The following LBR variants were observed in gnomAD, a reference collection of about 807,000 sequenced individuals.
LBR encodes lamin B receptor, also known as delta(14)-sterol reductase LBR.
LBR carries 28 observed loss-of-function variants against 74.3 expected under a neutral mutation model. The observed-to-expected ratio is 0.38, with a 90% CI of 0.28 to 0.52. The LOEUF (loss-of-function observed/expected upper bound fraction) is 0.52. Among genes scored for constraint, LBR ranks in the 20% least tolerant of loss-of-function variants. The pLI is 0.89. For missense variants in LBR, 717 were observed against 760.3 expected, an observed-to-expected ratio of 0.94 and a Z score of 0.67; for synonymous variants, 228 against 269.3, an observed-to-expected ratio of 0.85 and a Z score of 1.50.
In LBR at chr1:225,402,152, C is replaced by T. The variant is rs901122580; in HGVS notation, c.*1151G>A. The T allele has an allele frequency of 1.3e-5, 2 of 152,172 alleles. No individual in the cohort carries two copies. The highest frequency in any genetic ancestry group is 2.9e-5 in the Non-Finnish European group (2 of 68,022). The allele number at this position is 152,172 out of a possible 1,614,324, so 9.4% of individuals were successfully genotyped here. A position where few individuals can be genotyped will look rare whatever the true frequency, so the allele number is the denominator to read the frequency against. On this transcript the variant is annotated 3_prime_UTR_variant, in exon 14 of 14. Coordinates refer to ENST00000272163, the MANE Select transcript of LBR (RefSeq NM_002296.4). ...AAACTAAAAGAAACGACTTTAACCC[C>T]TTCAGTTGTTTTTAAGACAGCACTC...
At chr1:225,419,581 C>G in intron 4 of LBR, 129 bp from the exon 5 acceptor site, 2 of 1,009,934 alleles carry the variant, frequency 2.0e-6, no homozygotes, top group African/African-American at 1.6e-5. Context: ...TATATTCAGT[C>G]TTAATTTAAG....
intron 11 of LBR, 101 bp downstream of exon 11, chr1:225,406,563 G>T: frequency 1.9e-6 from 2 of 1,041,662 alleles, no homozygotes; most frequent in Non-Finnish European, 2.9e-6. Context: ...GCTAATGCTG[G>T]CCATTCAAAA....
chr1:225,426,093 A>G, intron 1 of LBR, among the ~76,000 whole-genome samples: 1 of 152,252 alleles, frequency 6.6e-6, no homozygotes, highest in East Asian at 1.9e-4. Context: ...TTTTTAAAAG[A>G]AGAATTAAGA....
intron 11 of LBR, among the ~76,000 whole-genome samples, chr1:225,406,236 C>G (rs2096091275): frequency 6.6e-6 from 1 of 152,206 alleles, no homozygotes; most frequent in South Asian, 2.1e-4. Context: ...CACCCGTCAT[C>G]TAAGCCCCTC....
intron 1 of LBR, among the ~76,000 whole-genome samples, chr1:225,424,403 C>T (rs1440050451): frequency 6.6e-6 from 1 of 152,208 alleles, no homozygotes; most frequent in African/African-American, 2.4e-5. Context: ...TCACAAAGAA[C>T]ACATTTTCTC....
In LBR at chr1:225,418,030, A is replaced by G; in HGVS notation, c.791T>C (p.Leu264Pro). 1.2e-6 allele frequency: 2 copies of G among 1,614,230 alleles called. No individual in the cohort carries two copies. Among genetic ancestry groups the G allele is most frequent in the Non-Finnish European group, 1.7e-6 (2 of 1,180,042 alleles). ...GAACAGGACTTGAATCAAAAACCACAGGAGGTAGACCCCAAATACTCTGGT... is the reference window on the plus strand; with the variant it reads ...GAACAGGACTTGAATCAAAAACCACGGGAGGTAGACCCCAAATACTCTGGT... ...WETRVFGVYL[L>P]WFLIQVLFYL... The change falls in exon 6 of 14, where the codon CTG becomes CCG. Residue 264 changes from leucine to proline, a missense_variant. Transcript: ENST00000272163.
chr1:225,414,516 A>G (rs937396499), intron 7 of LBR, among the ~76,000 whole-genome samples: 1 of 152,254 alleles, frequency 6.6e-6, no homozygotes, highest in Non-Finnish European at 1.5e-5. Flanking sequence ...TGAAGCACTC[A>G]GCACATGCTC....
chr1:225,402,511 T>C lies in LBR; in HGVS notation c.*792A>G, dbSNP rs2096083570. ...TCCTATGTTTTAACAGCATCTTCTATACAATAGTGAATGAATTCTAATTGT... is the reference window on the plus strand; with the variant it reads ...TCCTATGTTTTAACAGCATCTTCTACACAATAGTGAATGAATTCTAATTGT... On this transcript the variant is annotated 3_prime_UTR_variant, in exon 14 of 14. Transcript: ENST00000272163. 6.6e-6 allele frequency: 1 copy of C among 152,628 alleles called. No individual in the cohort carries two copies. Among genetic ancestry groups the C allele is most frequent in the Non-Finnish European group, 1.5e-5 (1 of 68,016 alleles). 9.5% of individuals were successfully genotyped at this position (152,628 alleles called of 1,614,324 possible). A position where few individuals can be genotyped will look rare whatever the true frequency, so the allele number is the denominator to read the frequency against.
intron 9 of LBR, among the ~76,000 whole-genome samples, chr1:225,410,994 T>C (rs1017441304): frequency 1.2e-4 from 19 of 152,308 alleles, no homozygotes; most frequent in African/African-American, 4.6e-4. Context: ...CTCTTTGCTC[T>C]CTATCTGCAA....
In LBR at chr1:225,418,178, C is replaced by G. The variant is rs776545053; in HGVS notation, c.643G>C (p.Val215Leu). The change falls in exon 6 of 14, where the codon GTG becomes CTG. Residue 215 changes from valine (V) to leucine (L), a missense_variant and splice_region_variant. By Grantham distance (32) the Val-to-Leu change is conservative. Transcript: ENST00000272163. Reference protein sequence around the residue: ...KDLEFGGVPGVFLIMFGLPVF... With the variant: ...KDLEFGGVPGLFLIMFGLPVF... Reference sequence around the variant, plus strand: ...GGCAGGCCAAACATGATGAGAAACACACCTGCAAACAATTCATGAACATTC... The same window carrying G: ...GGCAGGCCAAACATGATGAGAAACAGACCTGCAAACAATTCATGAACATTC... The G allele has an allele frequency of 6.2e-7, 1 of 1,612,958 alleles. No individual in the cohort carries two copies. Among genetic ancestry groups the G allele is most frequent in the Admixed American group, 1.7e-5 (1 of 59,994 alleles).
chr1:225,427,110 C>T (rs577644900), intron 1 of LBR, among the ~76,000 whole-genome samples: 107 of 152,058 alleles, frequency 7.0e-4, no homozygotes, highest in African/African-American at 2.4e-3. Context: ...GCGCGGACCA[C>T]GGTATCTACC....
At chr1:225,418,269 C>T in intron 5 of LBR, 89 bp from the exon 6 acceptor site, 8 of 1,357,408 alleles carry the variant, frequency 5.9e-6, no homozygotes, top group African/African-American at 1.4e-5. Flanking sequence ...GATCAGAACT[C>T]GTTATCTGGC....
intron 10 of LBR, among the ~76,000 whole-genome samples, chr1:225,407,821 G>A (rs1279125428): frequency 6.6e-6 from 1 of 152,006 alleles, no homozygotes; most frequent in African/African-American, 2.4e-5. Context: ...GATGTCACAT[G>A]AAACAGAAAA....
chr1:225,406,122 C>T (rs2096091016), intron 11 of LBR, among the ~76,000 whole-genome samples: 2 of 152,150 alleles, frequency 1.3e-5, no homozygotes, highest in Non-Finnish European at 2.9e-5. Context: ...CCTGACTTTT[C>T]GATCTCCCCA....
At chr1:225,409,230 CG>C (rs1324935971) in intron 10 of LBR, among the ~76,000 whole-genome samples, 1 of 152,174 alleles carries the variant, frequency 6.6e-6, no homozygotes, top group Non-Finnish European at 1.5e-5. Context: ...GTGGTAGGAG[CG>C]CAACAGGAAC....
intron 10 of LBR, among the ~76,000 whole-genome samples, chr1:225,407,891 A>T (rs1347303028): frequency 6.6e-6 from 1 of 152,050 alleles, no homozygotes; most frequent in Non-Finnish European, 1.5e-5. Flanking sequence ...AGAGTACTTT[A>T]TTCTCTTTAA....
At chr1:225,408,127 C>T (rs1380752570) in intron 10 of LBR, among the ~76,000 whole-genome samples, 2 of 152,186 alleles carry the variant, frequency 1.3e-5, no homozygotes, top group Admixed American at 1.3e-4. Context: ...GAACTTAGAA[C>T]TTACTCCTCC....
intron 11 of LBR, 78 bp from the exon 12 acceptor site, chr1:225,404,784 A>C: frequency 9.2e-7 from 1 of 1,085,438 alleles, no homozygotes; most frequent in Non-Finnish European, 1.4e-6. Flanking sequence ...ATTTCTCTTA[A>C]AAATGATTTC....
chr1:225,425,995 G>A (rs2096138423), intron 1 of LBR, among the ~76,000 whole-genome samples: 1 of 152,132 alleles, frequency 6.6e-6, no homozygotes, highest in Non-Finnish European at 1.5e-5. Context: ...TATAAACGCA[G>A]GCCAGTGCCA....
Sources: gnomAD v4.1 joint callset for allele counts (sites outside exome capture counted in the v4.1 genomes callset) on GRCh38, gnomAD v4.1.1 for gene constraint, MANE v1.5 for transcripts, NCBI Gene and HGNC (gene_info 2026-07-23, HGNC 2026-07-21) for gene names.